Variants in ABCG2 observed in about 807,000 individuals in gnomAD.
ABCG2 encodes the protein ATP binding cassette subfamily G member 2 (JR blood group).
A neutral mutation model predicts 73.5 loss-of-function variants in ABCG2; 80 were observed. That is an observed-to-expected ratio of 1.09 (90% CI 0.91 to 1.31). The LOEUF is 1.31. ABCG2 is among the 50% of genes most tolerant of loss of function. The probability of loss-of-function intolerance (pLI) is 0.00; values close to 1 mark genes in which losing one functional copy is unlikely to be tolerated. For synonymous variants in ABCG2, 269 were observed against 282.4 expected (o/e 0.95, Z 0.48); for missense variants, 796 against 786.2 (o/e 1.01, Z -0.15).
intron 1 of ABCG2, among the ~76,000 whole-genome samples, chr4:88,201,209 CAAAAAA>C (rs3061250): frequency 9.4e-6 from 1 of 106,316 alleles, no homozygotes; most frequent in African/African-American, 3.7e-5. Context: ...GCACTAACTG[CAAAAAA>C]AAAAAAAAAA....
At chr4:88,222,274 C>G (rs996480012) in intron 1 of ABCG2, among the ~76,000 whole-genome samples, 9 of 152,206 alleles carry the variant, frequency 5.9e-5, no homozygotes, top group Admixed American at 2.6e-4. Flanking sequence ...GCCTGGATGT[C>G]CAGACAGAAG....
At chr4:88,184,496 AG>A (rs886422247) in intron 1 of ABCG2, among the ~76,000 whole-genome samples, 4 of 152,188 alleles carry the variant, frequency 2.6e-5, no homozygotes, top group East Asian at 3.8e-4. Context: ...ACTTAATCAA[AG>A]GAGTAAAATA....
chr4:88,209,865 T>C lies in ABCG2; in HGVS notation c.-20+21129A>G, dbSNP rs534362936. Among the ~76,000 whole-genome samples the C allele has an allele frequency of 1.6e-4, 24 of 152,290 alleles. 1 individual carries two copies. The South Asian group carries it at 4.8e-3, about 30-fold the overall frequency. ...AGTAGCAATATACTGTGCTTTTCCT[T>C]TGCCAAAGATAACCTAAAGATAAAA... is the stretch of plus-strand genomic sequence containing the variant. On this transcript the variant is annotated intron_variant, in intron 1 of 15. Coordinates refer to the ABCG2 transcript ENST00000515655.
intron 12 of ABCG2, among the ~76,000 whole-genome samples, chr4:88,098,190 C>A (rs1578169146): frequency 6.6e-6 from 1 of 152,220 alleles, no homozygotes; most frequent in Admixed American, 6.5e-5. Flanking sequence ...GAAACAGCCA[C>A]AAGAACAACA....
chr4:88,145,798 G>A (rs1316286091), intron 1 of ABCG2, among the ~76,000 whole-genome samples: 2 of 150,586 alleles, frequency 1.3e-5, no homozygotes, highest in Non-Finnish European at 3.0e-5. Flanking sequence ...AAATTAGCCG[G>A]GCGTGGTGGT....
rs759005861 is a variant in ABCG2 at position 88,094,639 on chromosome 4, A to G, written c.1758T>C (p.Phe586=). The part of the protein sequence containing the change: ...YGFTALQHNE[F]LGQNFCPGLN... Reference sequence around the variant, plus strand: ...GTCCTGGGCAGAAGTTTTGTCCCAAAAATTCATTATGCTGCAAAGCCTATA... The same window carrying G: ...GTCCTGGGCAGAAGTTTTGTCCCAAGAATTCATTATGCTGCAAAGCCTATA... Residue 586 remains phenylalanine, a synonymous_variant, in exon 15 of 16, where the codon TTT becomes TTC. Coordinates refer to ENST00000237612, the MANE Select transcript of ABCG2 (RefSeq NM_004827.3). 1.2e-5 allele frequency: 19 copies of G among 1,613,922 alleles called. No homozygotes were observed. The South Asian group carries it at 1.8e-4, about 15-fold the overall frequency.
At chr4:88,189,128 C>T (rs1018155397) in intron 1 of ABCG2, among the ~76,000 whole-genome samples, 1 of 152,138 alleles carries the variant, frequency 6.6e-6, no homozygotes, top group Non-Finnish European at 1.5e-5. Context: ...GTTTGCAGTA[C>T]ACAAATCTTG....
chr4:88,122,613 A>G (rs1008994433), intron 5 of ABCG2, among the ~76,000 whole-genome samples: 1 of 152,128 alleles, frequency 6.6e-6, no homozygotes, highest in African/African-American at 2.4e-5. Context: ...GCCTCTCTAG[A>G]TTCCTCCTCT....
At chr4:88,156,370 C>CAAAAAAAA (rs56029010) in intron 1 of ABCG2, among the ~76,000 whole-genome samples, 10 of 69,050 alleles carry the variant, frequency 1.4e-4, no homozygotes, top group East Asian at 4.2e-4. Flanking sequence ...GACTCCGTCT[C>CAAAAAAAA]AAAAAAAAAA....
intron 1 of ABCG2, among the ~76,000 whole-genome samples, chr4:88,172,390 C>T (rs1312224865): frequency 6.6e-6 from 1 of 151,740 alleles, no homozygotes; most frequent in African/African-American, 2.4e-5. Context: ...CCAGCCTGGC[C>T]AACCTGGTGA....
At position 88,111,179 on chromosome 4, in the gene ABCG2, G is replaced by A. The variant is rs114049873; in HGVS notation, c.1194+2124C>T. Among the ~76,000 whole-genome samples, 349 of 152,288 alleles carry A rather than the reference G, an allele frequency of 2.3e-3. 1 individual carries two copies. The highest frequency in any genetic ancestry group is 8.1e-3 in the African/African-American group (335 of 41,566). On this transcript the variant is annotated intron_variant, in intron 9 of 15. Transcript: ENST00000237612. Reference sequence around the variant, plus strand: ...ATTTATAAACCATTTTTTGAAGCAAGATAATTCAAGTTATTTTCCAAGTAA... The same window carrying A: ...ATTTATAAACCATTTTTTGAAGCAAAATAATTCAAGTTATTTTCCAAGTAA...
intron 1 of ABCG2, among the ~76,000 whole-genome samples, chr4:88,211,638 C>T (rs1180361528): frequency 2.6e-5 from 4 of 152,056 alleles, no homozygotes; most frequent in Non-Finnish European, 5.9e-5. Flanking sequence ...AGGATGGGCT[C>T]GATCTCCTGA....
chr4:88,183,730 G>A (rs114435493), intron 1 of ABCG2, among the ~76,000 whole-genome samples: 17 of 150,950 alleles, frequency 1.1e-4, no homozygotes, highest in African/African-American at 3.9e-4. Flanking sequence ...GTGTTACCTT[G>A]ATGCCAAAAC....
Position 88,107,236 on chromosome 4 carries a change from T to G in ABCG2, c.1225A>C (p.Ile409Leu), listed in dbSNP as rs370281024. 5 of 1,613,170 alleles carry G rather than the reference T, an allele frequency of 3.1e-6. No homozygotes were observed. In the African/African-American group the frequency reaches 6.7e-5, roughly 22 times the overall value. ...TTTAGCCCAAAGTAAATGGCACCTA[T>G]AACCAGTCCCAGTACGACTGTGACA... ...IIVTVVLGLV[I>L]GAIYFGLKND... The change falls in exon 10 of 16, where the codon ATA (isoleucine) becomes CTA (leucine). Residue 409 changes from isoleucine to leucine, a missense_variant. Coordinates refer to ENST00000237612, the MANE Select transcript of ABCG2 (RefSeq NM_004827.3).
intron 6 of ABCG2, among the ~76,000 whole-genome samples, chr4:88,118,928 T>C (rs1723774935): frequency 6.6e-6 from 1 of 152,200 alleles, no homozygotes; most frequent in African/African-American, 2.4e-5. Context: ...ATTTAATCTC[T>C]GGTCTAAGTC....
intron 1 of ABCG2, among the ~76,000 whole-genome samples, chr4:88,202,414 G>A (rs937234535): frequency 8.4e-5 from 11 of 131,280 alleles, no homozygotes; most frequent in Non-Finnish European, 1.6e-4. Flanking sequence ...AGTGTTGTAG[G>A]ACTTTCTCCT....
At chr4:88,198,862 G>C (rs1351468842) in intron 1 of ABCG2, among the ~76,000 whole-genome samples, 1 of 151,822 alleles carries the variant, frequency 6.6e-6, no homozygotes, top group Non-Finnish European at 1.5e-5. Context: ...CCCAAAAAAG[G>C]GGGAGCAAAA....
intron 1 of ABCG2, among the ~76,000 whole-genome samples, chr4:88,204,792 C>G (rs909542529): frequency 6.6e-6 from 1 of 152,166 alleles, no homozygotes; most frequent in Non-Finnish European, 1.5e-5. Flanking sequence ...ATTTGTCATT[C>G]TCTCCATCAG....
chr4:88,097,504 A>T lies in ABCG2; in HGVS notation c.1596T>A (p.Ser532Arg), dbSNP rs1428235382. 1 of 1,614,118 alleles carries T rather than the reference A, an allele frequency of 6.2e-7. No individual in the cohort carries two copies. Among genetic ancestry groups the T allele is most frequent in the Non-Finnish European group, 8.5e-7 (1 of 1,179,982 alleles). The change falls in exon 13 of 16, where the codon AGT (serine) becomes AGA (arginine). Residue 532 changes from serine to arginine, a missense_variant. By Grantham distance (110) the Ser-to-Arg change is moderately radical. Transcript: ENST00000237612. Reference protein sequence around the residue: ...SMALAIAAGQSVVSVATLLMT... With the variant: ...SMALAIAAGQRVVSVATLLMT... ...TGAGAAGTGTTGCTACAGAAACCACACTCTGACCTGCTGCTATGGCCAGTG... is the reference window on the plus strand; with the variant it reads ...TGAGAAGTGTTGCTACAGAAACCACTCTCTGACCTGCTGCTATGGCCAGTG...
Sources: gnomAD v4.1 joint callset for allele counts (sites outside exome capture counted in the v4.1 genomes callset) on GRCh38, gnomAD v4.1.1 for gene constraint, MANE v1.5 for transcripts, NCBI Gene and HGNC (gene_info 2026-07-23, HGNC 2026-07-21) for gene names.